Variants in IQCK observed in about 807,000 individuals in gnomAD.
The protein encoded by IQCK is IQ domain-containing protein K.
Under a neutral mutation model 28.1 loss-of-function variants are expected in IQCK, and 29 were observed. The ratio of observed to expected loss-of-function variants is 1.03; its 90% confidence interval spans 0.77 to 1.41. The LOEUF is 1.41. IQCK is among the 40% of genes most tolerant of loss of function. The pLI is 0.00. For synonymous variants in IQCK, 113 were observed against 115.1 expected (o/e 0.98, Z 0.12); for missense variants, 359 against 314.7 (o/e 1.14, Z -1.07).
intron 4 of IQCK, chr16:19,736,066 A>G: frequency 2.2e-6 from 1 of 451,452 alleles, no homozygotes; most frequent in Non-Finnish European, 4.4e-6. Flanking sequence ...CCTCAACTCA[A>G]AAAAAAAATC....
rs138169513 is a variant in IQCK at position 19,766,738 on chromosome 16, G to A, written c.605+2626G>A. On this transcript the variant is annotated intron_variant, in intron 6 of 7. Coordinates refer to ENST00000564186, the Ensembl canonical transcript of IQCK. ...ATCAAGAATATCTCCAGACACTAGC[G>A]TATGTCCCCAAGGGGAATGAGGCAA... 3.9e-5 allele frequency among the ~76,000 whole-genome samples: 6 copies of A among 152,300 alleles called. No homozygotes were observed. In the East Asian group the frequency reaches 5.8e-4, roughly 15 times the overall value.
intron 7 of IQCK, among the ~76,000 whole-genome samples, chr16:19,805,872 G>C (rs1042983134): frequency 1.3e-5 from 2 of 152,040 alleles, no homozygotes; most frequent in East Asian, 1.9e-4. Context: ...GGTGGGGTGG[G>C]GGGGCTAGGG....
At chr16:19,814,103 C>G (rs777373945) in intron 7 of IQCK, among the ~76,000 whole-genome samples, 3 of 151,782 alleles carry the variant, frequency 2.0e-5, no homozygotes, top group Non-Finnish European at 4.4e-5. Flanking sequence ...AACTGTAATC[C>G]CGGCTACTCA....
chr16:19,856,563 T>C, exon 10 of IQCK: 1 of 1,608,180 alleles, frequency 6.2e-7, no homozygotes, highest in Non-Finnish European at 8.5e-7. Context: ...AGCTAAGACG[T>C]ATCTTTGCCC....
chr16:19,758,878 A>G (rs1451587168), intron 4 of IQCK, among the ~76,000 whole-genome samples: 2 of 152,216 alleles, frequency 1.3e-5, no homozygotes, highest in Non-Finnish European at 2.9e-5. Context: ...AAAAGTGTTA[A>G]GGAGAACTTT....
intron 9 of IQCK, among the ~76,000 whole-genome samples, chr16:19,853,721 T>G (rs1597616029): frequency 6.6e-6 from 1 of 152,136 alleles, no homozygotes; most frequent in Admixed American, 6.5e-5. Context: ...ACCCTCTGCC[T>G]CCCTTCAAGC....
chr16:19,819,781 C>T (rs747316333), intron 7 of IQCK, among the ~76,000 whole-genome samples: 2 of 151,196 alleles, frequency 1.3e-5, no homozygotes, highest in South Asian at 2.1e-4. Flanking sequence ...TGGGAGGCCA[C>T]GGGGGGCAGA....
intron 4 of IQCK, among the ~76,000 whole-genome samples, chr16:19,749,777 AAAAAAAGAAAAAG>A (rs2054961090): frequency 6.6e-6 from 1 of 152,012 alleles, no homozygotes; most frequent in Admixed American, 6.5e-5. Context: ...AAAGGAAAAA[AAAAAAAGAAAAAG>A]AAAAAGTGTG....
chr16:19,837,869 C>G (rs1269644556), intron 9 of IQCK, among the ~76,000 whole-genome samples: 2 of 152,162 alleles, frequency 1.3e-5, no homozygotes, highest in African/African-American at 4.8e-5. Context: ...GCTACAAGAT[C>G]CCAGTAATAG....
At chr16:19,831,802 A>G (rs1314337238), downstream of IQCK, among the ~76,000 whole-genome samples, 1 of 152,132 alleles carries the variant, frequency 6.6e-6, no homozygotes, top group Non-Finnish European at 1.5e-5. Context: ...AACCTTGGGC[A>G]GTCAGGAGGT....
chr16:19,749,872 A>G (rs903238581), intron 4 of IQCK, among the ~76,000 whole-genome samples: 1 of 152,096 alleles, frequency 6.6e-6, no homozygotes, highest in African/African-American at 2.4e-5. Flanking sequence ...GAGGCAGTCT[A>G]GTATAAAGGA....
chr16:19,845,732 A>G (rs1187680032), intron 9 of IQCK, among the ~76,000 whole-genome samples: 1 of 152,242 alleles, frequency 6.6e-6, no homozygotes, highest in Admixed American at 6.5e-5. Context: ...GTTTTAAAAT[A>G]TTATATTTTC....
intron 6 of IQCK, among the ~76,000 whole-genome samples, chr16:19,780,294 C>A (rs1283629812): frequency 6.6e-6 from 1 of 151,502 alleles, no homozygotes; most frequent in Non-Finnish European, 1.5e-5. Context: ...TGCCGGCCTC[C>A]GCCTCCCAAA....
chr16:19,741,044 C>T (rs147176464), intron 4 of IQCK, among the ~76,000 whole-genome samples: 2 of 151,522 alleles, frequency 1.3e-5, no homozygotes, highest in Non-Finnish European at 2.9e-5. Flanking sequence ...GTTCAACAAA[C>T]ATTCATTAAG....
At chr16:19,850,084 T>C (rs1597612911) in intron 9 of IQCK, among the ~76,000 whole-genome samples, 1 of 152,362 alleles carries the variant, frequency 6.6e-6, no homozygotes, top group South Asian at 2.1e-4. Context: ...AGGTTATAGG[T>C]TGTCAGATAC....
At chr16:19,761,707 G>A (rs924376966) in intron 4 of IQCK, 50 of 259,338 alleles carry the variant, frequency 1.9e-4, no homozygotes, top group African/African-American at 1.1e-3. Flanking sequence ...GGCAGGCTCA[G>A]CTTATCTTCT....
intron 1 of IQCK, among the ~76,000 whole-genome samples, chr16:19,721,908 T>C (rs973390762): frequency 6.6e-6 from 1 of 151,910 alleles, no homozygotes; most frequent in African/African-American, 2.4e-5. Flanking sequence ...ATGCTGTGAT[T>C]ACTGTTATCA....
At chr16:19,753,773 C>T (rs1459944230) in intron 4 of IQCK, among the ~76,000 whole-genome samples, 1 of 151,868 alleles carries the variant, frequency 6.6e-6, no homozygotes, top group East Asian at 2.0e-4. Context: ...GGACTTGGTT[C>T]TCTCCTGCCT....
intron 9 of IQCK, among the ~76,000 whole-genome samples, chr16:19,834,672 C>G (rs894239283): frequency 1.3e-5 from 2 of 152,162 alleles, no homozygotes; most frequent in East Asian, 3.9e-4. Flanking sequence ...GAGATATTTT[C>G]ACTAAAGCAA....
Sources: allele counts gnomAD v4.1 joint callset (sites outside exome capture counted in the v4.1 genomes callset), GRCh38; gene constraint gnomAD v4.1.1; transcripts MANE v1.5; gene names NCBI Gene and HGNC (gene_info 2026-07-23, HGNC 2026-07-21).